The following UNC13A variants were observed in gnomAD, a reference collection of about 807,000 sequenced individuals.
The protein encoded by UNC13A is protein unc-13 homolog A.
In UNC13A, 61 loss-of-function variants were observed where a neutral mutation model predicts 219.7. The ratio of observed to expected loss-of-function variants is 0.28; its 90% CI spans 0.23 to 0.34. The LOEUF (loss-of-function observed/expected upper bound fraction) is 0.34, where lower values mean the gene tolerates loss of function less well. Ranked by LOEUF, UNC13A falls within the 10% of genes least tolerant of loss-of-function variation. The pLI, the probability that UNC13A is intolerant of heterozygous loss-of-function variation, is 1.00. For synonymous variants in UNC13A, 920 were observed against 884.6 expected, an observed-to-expected ratio of 1.04 and a Z score of -0.71; for missense variants, 1,476 against 2,270.3, an observed-to-expected ratio of 0.65 and a Z score of 7.11.
At chr19:17,656,452 G>A in intron 9 of UNC13A, 54 bp from the exon 10 acceptor site, 1 of 1,446,888 alleles carries the variant, frequency 6.9e-7, no homozygotes, top group South Asian at 1.4e-5. Context: ...CTGCCCACCT[G>A]AGCCCCAGTC....
Position 17,604,137 on chromosome 19 carries a change from C to A in UNC13A, c.*1917G>T, listed in dbSNP as rs1453472794. The A allele has an allele frequency of 6.6e-6, 1 of 152,196 alleles. No individual in the cohort carries two copies. Among genetic ancestry groups the A allele is most frequent in the Admixed American group, 6.5e-5 (1 of 15,272 alleles). The allele number at this position is 152,196 out of a possible 1,614,324, so 9.4% of individuals were successfully genotyped here. A position where few individuals can be genotyped will look rare whatever the true frequency, so the allele number is the denominator to read the frequency against. Reference sequence around the variant, plus strand: ...GTCTTTTCAACACAGCCTTCAGAATCTTTCCAAGAATCCATTTCAGTGTCC... The same window carrying A: ...GTCTTTTCAACACAGCCTTCAGAATATTTCCAAGAATCCATTTCAGTGTCC... On this transcript the variant is annotated 3_prime_UTR_variant, in exon 44 of 44. Transcript: ENST00000519716.
chr19:17,663,331 C>G (rs1280653650), intron 8 of UNC13A, among the ~76,000 whole-genome samples: 1 of 148,930 alleles, frequency 6.7e-6, no homozygotes, highest in Admixed American at 6.8e-5. Context: ...CACTCCCCAG[C>G]AGATGGCAGG....
intron 1 of UNC13A, among the ~76,000 whole-genome samples, chr19:17,679,946 T>C (rs1599418104): frequency 6.6e-6 from 1 of 152,058 alleles, no homozygotes; most frequent in Non-Finnish European, 1.5e-5. Flanking sequence ...TACCCTCTGA[T>C]AGCTGAAGCC....
intron 8 of UNC13A, 56 bp from the exon 9 acceptor site, chr19:17,658,325 G>A (rs535143465): frequency 1.3e-6 from 2 of 1,523,612 alleles, no homozygotes; most frequent in South Asian, 2.4e-5. Context: ...GCACATGATG[G>A]GAGCCAATAC....
At chr19:17,641,319 C>T in intron 21 of UNC13A, 74 bp downstream of exon 21, 1 of 1,565,370 alleles carries the variant, frequency 6.4e-7, no homozygotes, top group South Asian at 1.2e-5. Context: ...CTGAGAATCC[C>T]TCCCACCCCA....
chr19:17,661,937 G>A (rs1019685256), intron 8 of UNC13A, among the ~76,000 whole-genome samples: 4 of 151,882 alleles, frequency 2.6e-5, no homozygotes, highest in Admixed American at 1.3e-4. Context: ...TCAGATCAGC[G>A]GCAGCATTAG....
Position 17,668,246 on chromosome 19 carries a change from C to T in UNC13A, c.395-56G>A, listed in dbSNP as rs534659221. The stretch of plus-strand genomic sequence containing the variant: ...AAGACCCTCCCTGCCGCTCAGCCTC[C>T]ATCCTCCAGGCCTACTGAGCTCCAC... On this transcript the variant is annotated intron_variant, in intron 5 of 43. Coordinates refer to ENST00000519716, the MANE Select transcript of UNC13A (RefSeq NM_001080421.3). The T allele has an allele frequency of 7.5e-4, 1,113 of 1,474,180 alleles. 2 individuals are homozygous for T. The highest frequency in any genetic ancestry group is 9.9e-4 in the Non-Finnish European group (1,055 of 1,062,596). The allele number at this position is 1,474,180 out of a possible 1,614,324, so 91.3% of individuals were successfully genotyped here. A position where few individuals can be genotyped will look rare whatever the true frequency, so the allele number is the denominator to read the frequency against.
At chr19:17,632,739 G>A (rs2076869997) in intron 28 of UNC13A, 43 bp downstream of exon 28, 1 of 1,612,808 alleles carries the variant, frequency 6.2e-7, no homozygotes, top group Non-Finnish European at 8.5e-7. Flanking sequence ...AGCTGTCAGT[G>A]CTACAGTTCT....
At chr19:17,672,286 A>G in intron 4 of UNC13A, 92 bp downstream of exon 4, 2 of 971,512 alleles carry the variant, frequency 2.1e-6, no homozygotes, top group Non-Finnish European at 3.2e-6. Flanking sequence ...GTCAGGGGAT[A>G]GGAGATAAAT....
intron 4 of UNC13A, among the ~76,000 whole-genome samples, chr19:17,670,947 A>G (rs1039578878): frequency 6.6e-6 from 1 of 151,442 alleles, no homozygotes; most frequent in African/African-American, 2.4e-5. Context: ...ATAAAATAAA[A>G]TAAAATAAAA....
At chr19:17,653,886 G>A (rs555317859) in intron 11 of UNC13A, among the ~76,000 whole-genome samples, 1 of 146,468 alleles carries the variant, frequency 6.8e-6, no homozygotes, top group African/African-American at 2.5e-5. Flanking sequence ...GTGTGCAGTG[G>A]CGCGATCTCG....
chr19:17,644,198 G>A (rs981007057), intron 19 of UNC13A, among the ~76,000 whole-genome samples: 3 of 151,964 alleles, frequency 2.0e-5, no homozygotes, highest in South Asian at 2.1e-4. Context: ...TGTGGTGGGG[G>A]GTCGGGGGGA....
intron 43 of UNC13A, among the ~76,000 whole-genome samples, chr19:17,609,158 CG>C (rs927784263): frequency 7.9e-6 from 1 of 126,074 alleles, no homozygotes; most frequent in African/African-American, 3.1e-5. Flanking sequence ...TTAGTAGAGA[CG>C]GGGTTTCACC....
chr19:17,681,812 C>T (rs1177140747), intron 1 of UNC13A, among the ~76,000 whole-genome samples: 1 of 152,178 alleles, frequency 6.6e-6, no homozygotes, highest in Non-Finnish European at 1.5e-5. Context: ...GAACTAGGCT[C>T]CCTCCTGGAG....
chr19:17,678,276 C>T (rs1399381129), intron 1 of UNC13A, among the ~76,000 whole-genome samples: 1 of 152,102 alleles, frequency 6.6e-6, no homozygotes, highest in Non-Finnish European at 1.5e-5. Flanking sequence ...GTCAGGAGTT[C>T]GAGACCAGCC....
rs2079859625 is a variant in UNC13A at position 17,674,568 on chromosome 19, A to G, written c.152+89T>C. 1 of 1,175,398 alleles carries G rather than the reference A, an allele frequency of 8.5e-7. No homozygotes were observed. Among genetic ancestry groups the G allele is most frequent in the South Asian group, 1.3e-5 (1 of 79,538 alleles). The allele number at this position is 1,175,398 out of a possible 1,614,324, so 72.8% of individuals were successfully genotyped here. On this transcript the variant is annotated intron_variant, in intron 3 of 43. Coordinates refer to ENST00000519716, the MANE Select transcript of UNC13A (RefSeq NM_001080421.3). The surrounding 1 kb of genome is among the most constrained non-coding windows in gnomAD (Gnocchi z 5.0). ...GGAGGACAGAGGGGAGTCACCCGGG[A>G]TTCCCCAGTGTCCAGCTCTGCCCTG...
At chr19:17,620,744 G>A (rs2076720878) in intron 37 of UNC13A, 22 bp from the exon 38 acceptor site, 2 of 1,612,396 alleles carry the variant, frequency 1.2e-6, no homozygotes. Context: ...ATCAGGTGGA[G>A]GTCAGAGTTC....
chr19:17,645,839 A>G lies in UNC13A; in HGVS notation c.2191T>C (p.Cys731Arg). ...TTGATGCGGTCGGAGGAATTGTGAC[A>G]TTCACTGTGGCGGGAGGAGGAGGCA... ...PVWEENFHFE[C>R]HNSSDRIKVR... Residue 731 changes from cysteine (C) to arginine (R), a missense_variant, in exon 19 of 44, where the codon TGT becomes CGT. Physicochemically the swap from Cys to Arg is radical, Grantham distance 180 (BLOSUM62 -3). Around this residue, in one of 14 missense-constraint regions of UNC13A, gnomAD observed 66 missense variants for 224.3 expected, o/e 0.29. Coordinates refer to ENST00000519716, the MANE Select transcript of UNC13A (RefSeq NM_001080421.3). The G allele has an allele frequency of 6.2e-7, 1 of 1,609,042 alleles. No individual in the cohort carries two copies. The highest frequency in any genetic ancestry group is 2.2e-5 in the East Asian group (1 of 44,704).
At chr19:17,676,209 A>T (rs1404336319) in intron 1 of UNC13A, 168 bp from the exon 2 acceptor site, 18 of 771,580 alleles carry the variant, frequency 2.3e-5, no homozygotes, top group Non-Finnish European at 4.1e-5. Flanking sequence ...TTAAAAAAGA[A>T]AGATAGAAGC....
Sources: gnomAD v4.1 joint callset for allele counts (sites outside exome capture counted in the v4.1 genomes callset) on GRCh38, gnomAD v4.1.1 for gene constraint, gnomAD v4.1.1 regional missense constraint, Gnocchi (gnomAD v3.1) non-coding constraint, MANE v1.5 for transcripts, NCBI Gene and HGNC (gene_info 2026-07-23, HGNC 2026-07-21) for gene names.